The following CCDC186 variants were observed in gnomAD, a reference collection of about 807,000 sequenced individuals.
The protein encoded by CCDC186 is coiled-coil domain containing 186, also known as coiled-coil domain-containing protein 186.
CCDC186 carries 49 observed loss-of-function variants against 113.7 expected under a neutral mutation model. That is an observed-to-expected ratio of 0.43 (90% CI 0.34 to 0.55). The LOEUF is 0.55. Ranked by LOEUF, CCDC186 falls within the 20% of genes least tolerant of loss-of-function variation. The pLI, the probability that CCDC186 is intolerant of heterozygous loss-of-function variation, is 0.02. For synonymous variants in CCDC186, 355 were observed against 345.8 expected (o/e 1.03, Z -0.30); for missense variants, 890 against 1,011.1 (o/e 0.88, Z 1.62).
chr10:114,170,539 TCTCAAA>T (rs2032462681), intron 1 of CCDC186, among the ~76,000 whole-genome samples: 1 of 152,120 alleles, frequency 6.6e-6, no homozygotes, highest in Admixed American at 6.5e-5. Context: ...CCCAGGGTGA[TCTCAAA>T]CTACTGGCAT....
intron 14 of CCDC186, among the ~76,000 whole-genome samples, chr10:114,126,592 C>A (rs1263292246): frequency 1.3e-5 from 2 of 152,154 alleles, no homozygotes; most frequent in Non-Finnish European, 2.9e-5. Flanking sequence ...AAGCAATCCT[C>A]CTGCCTCGGC....
chr10:114,160,245 G>A (rs895553624), intron 2 of CCDC186, among the ~76,000 whole-genome samples: 1 of 150,782 alleles, frequency 6.6e-6, no homozygotes, highest in African/African-American at 2.4e-5. Context: ...ACTCCAGCCT[G>A]TGTGACACAG....
rs2032223091 is a variant in CCDC186 at position 114,162,945 on chromosome 10, T to C, written c.324A>G (p.Thr108=). Residue 108 remains threonine (T), a synonymous_variant, in exon 2 of 16, where the codon ACA becomes ACG. Transcript: ENST00000369287. The part of the protein sequence containing the change: ...SGNFAKHISK[T]NETEQKVTQI... ...GTGTTACTTTCTGTTCTGTTTCATT[T>C]GTTTTTGAAATATGTTTAGCAAAAT... 7 of 1,613,302 alleles carry C rather than the reference T, an allele frequency of 4.3e-6. No homozygotes were observed. Among genetic ancestry groups the C allele is most frequent in the Middle Eastern group, 3.3e-4 (2 of 6,058 alleles).
intron 2 of CCDC186, among the ~76,000 whole-genome samples, chr10:114,159,797 A>T (rs2032116896): frequency 6.6e-6 from 1 of 152,008 alleles, no homozygotes; most frequent in Admixed American, 6.6e-5. Context: ...TCTAAAACAA[A>T]AAAACCACAA....
At chr10:114,138,295 T>A (rs2031346405) in intron 6 of CCDC186, among the ~76,000 whole-genome samples, 1 of 6,892 alleles carries the variant, frequency 1.5e-4, no homozygotes. Context: ...AAAAACTTTT[T>A]TTTTTTTTTT....
chr10:114,172,571 G>A (rs1240699989), intron 1 of CCDC186, among the ~76,000 whole-genome samples: 4 of 152,180 alleles, frequency 2.6e-5, no homozygotes, highest in Non-Finnish European at 4.4e-5. Context: ...AAGTTTATAT[G>A]CAGTTATTCT....
intron 1 of CCDC186, among the ~76,000 whole-genome samples, chr10:114,170,119 T>C (rs1280676093): frequency 6.6e-6 from 1 of 152,160 alleles, no homozygotes; most frequent in Non-Finnish European, 1.5e-5. Context: ...AGAACTTGTG[T>C]ATGAAACATG....
Position 114,163,343 on chromosome 10 carries a change from A to G in CCDC186, c.-61-14T>C, listed in dbSNP as rs1449026782. The G allele has an allele frequency of 1.3e-6, 2 of 1,532,042 alleles. No homozygotes were observed. The highest frequency in any genetic ancestry group is 4.5e-5 in the East Asian group (2 of 44,368). 94.9% of individuals were successfully genotyped at this position (1,532,042 alleles called of 1,614,324 possible). Reference sequence around the variant, plus strand: ...TTCGTTTTACATCTAAGAAATTGAAACATCAAAATTAAAAACCACTTTAAA... The same window carrying G: ...TTCGTTTTACATCTAAGAAATTGAAGCATCAAAATTAAAAACCACTTTAAA... On this transcript the variant is annotated splice_polypyrimidine_tract_variant and intron_variant, in intron 1 of 15. Coordinates refer to ENST00000369287, the MANE Select transcript of CCDC186 (RefSeq NM_018017.4).
chr10:114,125,243 G>A lies in CCDC186; in HGVS notation c.2614-17C>T, dbSNP rs748309867. 128 of 1,535,758 alleles carry A rather than the reference G, an allele frequency of 8.3e-5. No homozygotes were observed. The highest frequency in any genetic ancestry group is 1.4e-4 in the Admixed American group (8 of 56,704). On this transcript the variant is annotated splice_polypyrimidine_tract_variant and intron_variant, in intron 15 of 15. Coordinates refer to ENST00000369287, the MANE Select transcript of CCDC186 (RefSeq NM_018017.4). ...TAGATTTTCCTTTAATAATTGGGGT[G>A]AGGGGAAAGGGAAGAGAAAAACAAA...
intron 3 of CCDC186, among the ~76,000 whole-genome samples, chr10:114,155,848 A>G (rs2031995024): frequency 6.6e-6 from 1 of 152,202 alleles, no homozygotes. Context: ...TTACACTTAC[A>G]GCACCTCTCA....
Position 114,125,871 on chromosome 10 carries a change from G to A in CCDC186, c.2613+15C>T, listed in dbSNP as rs2030882188. ...CATGTTTACTGGTTGGTGTGTGAAT[G>A]AGAAACACAAATACCTTCAAAGTAA... On this transcript the variant is annotated intron_variant, in intron 15 of 15. Transcript: ENST00000369287. 6.2e-7 allele frequency: 1 copy of A among 1,605,678 alleles called. No individual in the cohort carries two copies. Among genetic ancestry groups the A allele is most frequent in the Non-Finnish European group, 8.5e-7 (1 of 1,172,774 alleles).
intron 3 of CCDC186, among the ~76,000 whole-genome samples, chr10:114,156,805 A>G (rs2032024593): frequency 6.6e-6 from 1 of 152,230 alleles, no homozygotes; most frequent in Non-Finnish European, 1.5e-5. Context: ...GATACAATCT[A>G]AAGTATGACA....
At chr10:114,164,377 C>A (rs1484573498) in intron 1 of CCDC186, among the ~76,000 whole-genome samples, 1 of 151,894 alleles carries the variant, frequency 6.6e-6, no homozygotes, top group African/African-American at 2.4e-5. Context: ...CCTGCCTTGG[C>A]CTCCCAAAGT....
At chr10:114,149,739 AGG>A in intron 4 of CCDC186, among the ~76,000 whole-genome samples, 2 of 39,086 alleles carry the variant, frequency 5.1e-5, no homozygotes, top group Non-Finnish European at 1.1e-4. Context: ...GGACGAAGGA[AGG>A]AAGGCAGGAA....
intron 1 of CCDC186, chr10:114,168,086 G>A (rs1181854354): frequency 6.6e-6 from 1 of 152,084 alleles, no homozygotes. Flanking sequence ...TACTCATTAG[G>A]AGAAATACTA....
chr10:114,166,347 C>G (rs2032336241), intron 1 of CCDC186, among the ~76,000 whole-genome samples: 1 of 152,164 alleles, frequency 6.6e-6, no homozygotes, highest in African/African-American at 2.4e-5. Context: ...ATGTTCTTCC[C>G]TTAGGTCTAT....
chr10:114,157,442 T>G (rs1250647201), intron 3 of CCDC186, 112 bp downstream of exon 3: 2 of 979,090 alleles, frequency 2.0e-6, no homozygotes, highest in South Asian at 1.9e-5. Context: ...TCCGCCCACC[T>G]TGGCCTCCCA....
chr10:114,171,083 C>T (rs2032481151), intron 1 of CCDC186, among the ~76,000 whole-genome samples: 1 of 152,174 alleles, frequency 6.6e-6, no homozygotes, highest in Non-Finnish European at 1.5e-5. Context: ...TCAGAAATGA[C>T]TTCCTACTAA....
At chr10:114,142,805 G>A (rs990056339) in intron 6 of CCDC186, among the ~76,000 whole-genome samples, 23 of 152,102 alleles carry the variant, frequency 1.5e-4, no homozygotes, top group African/African-American at 5.6e-4. Flanking sequence ...ACCAGAAAGG[G>A]TGCCTCAAGA....
Sources: allele counts gnomAD v4.1 joint callset (sites outside exome capture counted in the v4.1 genomes callset), GRCh38; gene constraint gnomAD v4.1.1; transcripts MANE v1.5; gene names NCBI Gene and HGNC (gene_info 2026-07-23, HGNC 2026-07-21).